The following DIXDC1 variants were observed in gnomAD, a reference collection of about 807,000 sequenced individuals.
DIXDC1 encodes DIX domain containing 1, also known as dixin.
A neutral mutation model predicts 103.1 loss-of-function variants in DIXDC1; 64 were observed. The ratio of observed to expected loss-of-function variants is 0.62; its 90% CI spans 0.51 to 0.76. DIXDC1 has a LOEUF of 0.76. Among genes scored for constraint, DIXDC1 ranks in the 30% least tolerant of loss-of-function variants. The pLI is 0.00. For synonymous variants in DIXDC1, 266 were observed against 298.5 expected (o/e 0.89, Z 1.12); for missense variants, 759 against 834.2 (o/e 0.91, Z 1.11).
At chr11:111,927,879 G>A (rs1234231193) in intron 1 of DIXDC1, among the ~76,000 whole-genome samples, 1 of 151,740 alleles carries the variant, frequency 6.6e-6, no homozygotes, top group Admixed American at 6.6e-5. Flanking sequence ...AGCCAGGCAT[G>A]GTGGCACGGG....
chr11:111,992,852 TACTGTA>T lies in DIXDC1; in HGVS notation c.1219-94_1219-89del, dbSNP rs1478150106. ...ACCATCATACCCTCTCTGTGCTGCA[TACTGTA>T]ACTGCCAACATTAACTGGTTACTAA... On this transcript the variant is annotated intron_variant, in intron 11 of 19. Transcript: ENST00000440460. 3.3e-6 allele frequency: 4 copies of T among 1,201,086 alleles called. No homozygotes were observed. In the East Asian group the frequency reaches 1.0e-4, roughly 30 times the overall value. The allele number at this position is 1,201,086 out of a possible 1,614,324, so 74.4% of individuals were successfully genotyped here.
intron 1 of DIXDC1, among the ~76,000 whole-genome samples, chr11:111,942,741 CTGATA>C (rs1566461075): frequency 6.6e-6 from 1 of 152,172 alleles, no homozygotes; most frequent in African/African-American, 2.4e-5. Context: ...TCTTTACTTT[CTGATA>C]TATTATCTTT....
rs1310364567 is a variant in DIXDC1 at position 111,976,662 on chromosome 11, C to A, written c.656+1679C>A. 1.3e-5 allele frequency among the ~76,000 whole-genome samples: 2 copies of A among 152,186 alleles called. No individual in the cohort carries two copies. The highest frequency in any genetic ancestry group is 1.3e-4 in the Admixed American group (2 of 15,296). On this transcript the variant is annotated intron_variant, in intron 5 of 19. Transcript: ENST00000440460. This position sits in a 1 kb window ranked among gnomAD's most constrained non-coding sequence, Gnocchi z 4.3. ...TGTGACCCATGAAGAGCCCAGGAGCCCCCAGATGTGGCTTGCTCAGGACGG... is the reference window on the plus strand; with the variant it reads ...TGTGACCCATGAAGAGCCCAGGAGCACCCAGATGTGGCTTGCTCAGGACGG...
Position 111,977,542 on chromosome 11 carries a change from G to T in DIXDC1, c.656+2559G>T. 3.5e-6 allele frequency: 5 copies of T among 1,442,066 alleles called. No homozygotes were observed. The highest frequency in any genetic ancestry group is 4.5e-6 in the Non-Finnish European group (5 of 1,099,284). 89.3% of individuals were successfully genotyped at this position (1,442,066 alleles called of 1,614,324 possible). A position where few individuals can be genotyped will look rare whatever the true frequency, so the allele number is the denominator to read the frequency against. On this transcript the variant is annotated intron_variant, in intron 5 of 19. Transcript: ENST00000440460. The surrounding 1 kb of genome is among the most constrained non-coding windows in gnomAD (Gnocchi z 6.1). ...ACAGTCTGAGCGGCCGGGACTGCGC[G>T]CTTCAGAGCCTGGAGCATCCCAGTC...
chr11:111,987,894 G>T (rs888710137), intron 9 of DIXDC1, among the ~76,000 whole-genome samples: 1 of 152,020 alleles, frequency 6.6e-6, no homozygotes, highest in African/African-American at 2.4e-5. Flanking sequence ...GGCTGACTTC[G>T]TGGTCCGCCT....
chr11:111,946,098 G>A (rs1383240710), intron 1 of DIXDC1, among the ~76,000 whole-genome samples: 11 of 151,236 alleles, frequency 7.3e-5, no homozygotes, highest in African/African-American at 2.4e-4. Flanking sequence ...CACCACGCCC[G>A]GCTAATTTTT....
chr11:111,953,327 C>A (rs587770010), intron 1 of DIXDC1, among the ~76,000 whole-genome samples: 1 of 152,096 alleles, frequency 6.6e-6, no homozygotes, highest in African/African-American at 2.4e-5. Flanking sequence ...TTTCATCTAT[C>A]CAAAAAATAA....
rs942765361 is a variant in DIXDC1 at position 111,977,500 on chromosome 11, C to T, written c.656+2517C>T. On this transcript the variant is annotated intron_variant, in intron 5 of 19. Transcript: ENST00000440460. The surrounding 1 kb of genome is among the most constrained non-coding windows in gnomAD (Gnocchi z 6.1). ...GCCTGCGAGGGGAGGCAGCTTCCGC[C>T]GGGGCCGGGCTGCTGCACAGTCTGA... is the stretch of plus-strand genomic sequence containing the variant. 3.7e-5 allele frequency: 49 copies of T among 1,339,284 alleles called. No homozygotes were observed. Among genetic ancestry groups the T allele is most frequent in the Non-Finnish European group, 4.4e-5 (46 of 1,048,984 alleles). 83.0% of individuals were successfully genotyped at this position (1,339,284 alleles called of 1,614,324 possible).
chr11:111,966,396 T>C (rs12804527), intron 2 of DIXDC1, among the ~76,000 whole-genome samples: 1 of 134,138 alleles, frequency 7.5e-6, no homozygotes, highest in South Asian at 2.2e-4. Context: ...CTAATTTTTG[T>C]ATTTTTTTTT....
rs1860149169 is a variant in DIXDC1, at chr11:111,977,498, G to A, written c.656+2515G>A. The A allele has an allele frequency of 3.7e-6, 5 of 1,334,650 alleles. No homozygotes were observed. The highest frequency in any genetic ancestry group is 3.8e-6 in the Non-Finnish European group (4 of 1,046,184). 82.7% of individuals were successfully genotyped at this position (1,334,650 alleles called of 1,614,324 possible). A position where few individuals can be genotyped will look rare whatever the true frequency, so the allele number is the denominator to read the frequency against. On this transcript the variant is annotated intron_variant, in intron 5 of 19. Transcript: ENST00000440460. This position sits in a 1 kb window ranked among gnomAD's most constrained non-coding sequence, Gnocchi z 6.1. ...CAGCCTGCGAGGGGAGGCAGCTTCC[G>A]CCGGGGCCGGGCTGCTGCACAGTCT...
At chr11:111,935,656 T>G (rs1370284860), upstream of DIXDC1, among the ~76,000 whole-genome samples, 3 of 152,222 alleles carry the variant, frequency 2.0e-5, no homozygotes, top group African/African-American at 7.2e-5. Context: ...ACTTGTTGAA[T>G]TGACATGGGT....
At chr11:111,930,849 CTT>C (rs782075106) in intron 2 of DIXDC1, among the ~76,000 whole-genome samples, 46 of 116,822 alleles carry the variant, frequency 3.9e-4, no homozygotes, top group East Asian at 2.2e-3. Flanking sequence ...TCTTTCTTTC[CTT>C]TTTTTTTTTT....
chr11:112,012,943 C>T (rs1353638265), intron 17 of DIXDC1, among the ~76,000 whole-genome samples: 1 of 152,212 alleles, frequency 6.6e-6, no homozygotes, highest in African/African-American at 2.4e-5. Context: ...ATTACTCTCT[C>T]TTTGACATTC....
intron 17 of DIXDC1, among the ~76,000 whole-genome samples, chr11:112,004,732 G>A (rs974943264): frequency 6.6e-6 from 1 of 152,172 alleles, no homozygotes; most frequent in East Asian, 1.9e-4. Flanking sequence ...GGAACATTGA[G>A]GAACGACCCT....
At chr11:111,995,369 T>C in intron 15 of DIXDC1, 34 bp from the exon 16 acceptor site, 1 of 1,605,950 alleles carries the variant, frequency 6.2e-7, no homozygotes, top group Non-Finnish European at 8.5e-7. Context: ...AGTGGCACCG[T>C]GCCATGCCAG....
intron 15 of DIXDC1, 55 bp downstream of exon 15, chr11:111,995,163 G>C (rs782027509): frequency 7.0e-6 from 11 of 1,572,914 alleles, no homozygotes; most frequent in Non-Finnish European, 9.6e-6. Context: ...AACCAGAAGA[G>C]TGCCAAAGCC....
Position 112,005,970 on chromosome 11 carries a change from C to T in DIXDC1, c.1756+9824C>T, listed in dbSNP as rs188191543. Among the ~76,000 whole-genome samples the T allele has an allele frequency of 5.1e-4, 78 of 152,298 alleles. No individual in the cohort carries two copies. The East Asian group carries it at 0.011, about 22-fold the overall frequency. ...GTAGCCCACGGAGGGTGAACCAAAG[C>T]AGGGCAGGGCGTCGCCTCACCCAGG... On this transcript the variant is annotated intron_variant, in intron 17 of 19. Transcript: ENST00000440460.
chr11:112,011,116 A>C (rs1378079940), intron 17 of DIXDC1, among the ~76,000 whole-genome samples: 1 of 152,198 alleles, frequency 6.6e-6, no homozygotes, highest in Non-Finnish European at 1.5e-5. Context: ...GAAAAAAATC[A>C]AACAACCCCA....
chr11:112,021,670 T>A lies in DIXDC1; in HGVS notation c.*2634T>A, dbSNP rs1417381013. 1 of 152,226 alleles carries A rather than the reference T, an allele frequency of 6.6e-6. No homozygotes were observed. The highest frequency in any genetic ancestry group is 2.4e-5 in the African/African-American group (1 of 41,450). 9.4% of individuals were successfully genotyped at this position (152,226 alleles called of 1,614,324 possible). A position where few individuals can be genotyped will look rare whatever the true frequency, so the allele number is the denominator to read the frequency against. Reference sequence around the variant, plus strand: ...AAAACGAGTTTAGTTGAATGCTCAATTCCTTACAAAATCTTCATTTAAGGC... The same window carrying A: ...AAAACGAGTTTAGTTGAATGCTCAAATCCTTACAAAATCTTCATTTAAGGC... On this transcript the variant is annotated 3_prime_UTR_variant, in exon 20 of 20. Coordinates refer to ENST00000440460, the MANE Select transcript of DIXDC1 (RefSeq NM_001037954.4).
Sources: allele counts gnomAD v4.1 joint callset (sites outside exome capture counted in the v4.1 genomes callset), GRCh38; gene constraint gnomAD v4.1.1; non-coding constraint Gnocchi (gnomAD v3.1); transcripts MANE v1.5; gene names NCBI Gene and HGNC (gene_info 2026-07-23, HGNC 2026-07-21).